CDC25B: variants seen among roughly 807,000 people sequenced by gnomAD.
The protein encoded by CDC25B is cell division cycle 25B.
In CDC25B, 33 loss-of-function variants were observed where a neutral mutation model predicts 69.8. The observed-to-expected ratio is 0.47, with a 90% confidence interval of 0.36 to 0.63. The LOEUF is 0.63. Ranked by LOEUF, CDC25B falls within the 30% of genes least tolerant of loss-of-function variation. CDC25B has a pLI of 0.00. For missense variants in CDC25B, 727 were observed against 809.1 expected (o/e 0.90, Z 1.23); for synonymous variants, 341 against 314.6 (o/e 1.08, Z -0.89).
rs2089049798 is a variant in CDC25B at position 3,796,426 on chromosome 20, C to CCCCCA, written c.-101_-97dup. The CCCCCA allele has an allele frequency of 4.4e-6, 1 of 227,516 alleles. No individual in the cohort carries two copies. Among genetic ancestry groups the CCCCCA allele is most frequent in the Non-Finnish European group, 7.5e-6 (1 of 134,024 alleles). 14.1% of individuals were successfully genotyped at this position (227,516 alleles called of 1,614,324 possible). A position where few individuals can be genotyped will look rare whatever the true frequency, so the allele number is the denominator to read the frequency against. On this transcript the variant is annotated 5_prime_UTR_variant, in exon 1 of 16. Coordinates refer to ENST00000245960, the MANE Select transcript of CDC25B (RefSeq NM_021873.4). ...CTTCCTCCCTCCCTCCTTCCCCCCCCCCCCACCCCTCGCCCGCTGCCTCCC... is the reference window on the plus strand; with the variant it reads ...CTTCCTCCCTCCCTCCTTCCCCCCCCCCCCACCCCACCCCTCGCCCGCTGCCTCCC...
At chr20:3,787,136 A>C in exon 1 of CDC25B, 2 of 667,126 alleles carry the variant, frequency 3.0e-6, no homozygotes, top group Non-Finnish European at 5.4e-6. Flanking sequence ...GGAGAGATGC[A>C]CAGGTAACAT....
At chr20:3,798,264 G>A (rs964595736) in intron 2 of CDC25B, 148 bp from the exon 3 acceptor site, 3 of 486,152 alleles carry the variant, frequency 6.2e-6, no homozygotes, top group Admixed American at 8.3e-5. Flanking sequence ...CAGGGTCCAT[G>A]GTTGGGTTTT....
intron 1 of CDC25B, among the ~76,000 whole-genome samples, chr20:3,790,578 T>G (rs2088899056): frequency 6.6e-6 from 1 of 151,306 alleles, no homozygotes; most frequent in Non-Finnish European, 1.5e-5. Context: ...TCCCAGCATT[T>G]TGGGAGGCCG....
chr20:3,800,993 C>A lies in CDC25B; in HGVS notation c.605C>A (p.Pro202Gln). ...KENDGFVFKM[P>Q]WKPTHPSSTH... is the part of the protein sequence containing the mutation. ...CAGGATGGATTTGTCTTCAAGATGCCATGGAAGCCCACACATCCCAGCTCC... is the reference window on the plus strand; with the variant it reads ...CAGGATGGATTTGTCTTCAAGATGCAATGGAAGCCCACACATCCCAGCTCC... The change falls in exon 7 of 16, where the codon CCA becomes CAA. Residue 202 changes from proline to glutamine, a missense_variant. Physicochemically the swap from Pro to Gln is moderately conservative, Grantham distance 76 (BLOSUM62 -1). Transcript: ENST00000245960. 1 of 1,614,034 alleles carries A rather than the reference C, an allele frequency of 6.2e-7. No homozygotes were observed. Among genetic ancestry groups the A allele is most frequent in the East Asian group, 2.2e-5 (1 of 44,880 alleles).
At chr20:3,787,029 TG>T (rs922652642) in exon 1 of CDC25B, 63 of 546,186 alleles carry the variant, frequency 1.2e-4, no homozygotes, top group Middle Eastern at 3.4e-4. Context: ...GGTTTTTGTT[TG>T]TTTTTTTTTT....
rs765711564 is a variant in CDC25B at position 3,800,856 on chromosome 20, CAAG to C, written c.574_576del (p.Lys192del). 2 of 1,613,882 alleles carry C rather than the reference CAAG, an allele frequency of 1.2e-6. No homozygotes were observed. The highest frequency in any genetic ancestry group is 3.3e-5 in the Admixed American group (2 of 60,006). On this transcript the variant is annotated inframe_deletion, in exon 6 of 16. Transcript: ENST00000245960. Reference sequence around the variant, plus strand: ...GAGCTGCCAGCAGCTCTGGGGAAGACAAGGAGAATGTGCGCTTCTGGAAGGCCG... The same window carrying C: ...GAGCTGCCAGCAGCTCTGGGGAAGACGAGAATGTGCGCTTCTGGAAGGCCG...
At chr20:3,800,210 T>TGGACTGGAGACCTGGTGCTAG (rs140901750) in intron 3 of CDC25B, 78 bp from the exon 4 acceptor site, 483,108 of 1,275,634 alleles carry the variant, frequency 0.38, 97,276 homozygotes, top group African/African-American at 0.62. Context: ...TACTCCCCCC[T>TGGACTGGAGACCTGGTGCTAG]GGACTGGGGG....
At chr20:3,800,675 G>A in intron 5 of CDC25B, 68 bp from the exon 6 acceptor site, 3 of 1,598,796 alleles carry the variant, frequency 1.9e-6, no homozygotes, top group Non-Finnish European at 2.6e-6. Context: ...GGAGAAGGTA[G>A]GGCCTGGGCT....
intron 1 of CDC25B, among the ~76,000 whole-genome samples, chr20:3,789,949 A>G (rs1214928652): frequency 1.3e-5 from 2 of 151,664 alleles, no homozygotes; most frequent in Non-Finnish European, 2.9e-5. Context: ...AGATCGCGCC[A>G]CTGCACTCCA....
In CDC25B at chr20:3,802,032, A is replaced by T. The variant is rs781283576; in HGVS notation, c.1030A>T (p.Thr344Ser). The change falls in exon 10 of 16, where the codon ACG (threonine) becomes TCG (serine). Residue 344 changes from threonine (T) to serine (S), a missense_variant. Coordinates refer to ENST00000245960, the MANE Select transcript of CDC25B (RefSeq NM_021873.4). The stretch of plus-strand genomic sequence containing the variant: ...GCTGGAGCGGCCCCAGGACAGGGAC[A>T]CGCCCGTGCAGAATAAGCGGAGGCG... ...KRLERPQDRD[T>S]PVQNKRRRSV... 6.3e-7 allele frequency: 1 copy of T among 1,583,864 alleles called. No homozygotes were observed. Among genetic ancestry groups the T allele is most frequent in the South Asian group, 1.1e-5 (1 of 87,046 alleles).
In CDC25B at chr20:3,804,914, G is replaced by A. The variant is rs2089424551; in HGVS notation, c.1696G>A (p.Gly566Arg). 6.2e-7 allele frequency: 1 copy of A among 1,613,808 alleles called. No homozygotes were observed. The highest frequency in any genetic ancestry group is 2.2e-5 in the East Asian group (1 of 44,902). Residue 566 changes from glycine (G) to arginine (R), a missense_variant, in exon 16 of 16, where the codon GGG becomes AGG. Coordinates refer to ENST00000245960, the MANE Select transcript of CDC25B (RefSeq NM_021873.4). ...TFRLKTRSWA[G>R]ERSRRELCSR... ...CCGCCTCAAGACTCGCAGCTGGGCT[G>A]GGGAGCGGAGCCGGCGGGAGCTCTG...
At position 3,804,816 on chromosome 20, in the gene CDC25B, C is replaced by G; in HGVS notation, c.1603-5C>G. ...ACTGCATTGACCCCTCCTGTCCTGC[C>G]CTAGAACTTCTGTGAACCCCAGGAC... is the stretch of plus-strand genomic sequence containing the variant. On this transcript the variant is annotated splice_polypyrimidine_tract_variant and splice_region_variant and intron_variant, in intron 15 of 15. Coordinates refer to ENST00000245960, the MANE Select transcript of CDC25B (RefSeq NM_021873.4). 1 of 1,614,102 alleles carries G rather than the reference C, an allele frequency of 6.2e-7. No homozygotes were observed. The highest frequency in any genetic ancestry group is 1.1e-5 in the South Asian group (1 of 91,082).
Position 3,796,540 on chromosome 20 carries a change from GC to G in CDC25B, c.13del (p.Gln5SerfsTer70). ...CTGCCGGCCCCGCCGCGATGGAGGTGCCCCAGCCGGAGCCCGCGCCAGGCTC... is the reference window on the plus strand; with the variant it reads ...CTGCCGGCCCCGCCGCGATGGAGGTGCCCAGCCGGAGCCCGCGCCAGGCTC... MEV[P>X]QPEPAPGSAL... is the part of the protein sequence containing the mutation. On this transcript the variant is annotated frameshift_variant, in exon 1 of 16. Coordinates refer to ENST00000245960, the MANE Select transcript of CDC25B (RefSeq NM_021873.4). LOFTEE classifies it high-confidence loss of function. The G allele has an allele frequency of 6.7e-7, 1 of 1,485,116 alleles. No individual in the cohort carries two copies. 92.0% of individuals were successfully genotyped at this position (1,485,116 alleles called of 1,614,324 possible).
chr20:3,799,683 GAA>G (rs1208485352), intron 3 of CDC25B, among the ~76,000 whole-genome samples: 1 of 152,154 alleles, frequency 6.6e-6, no homozygotes, highest in Non-Finnish European at 1.5e-5. Context: ...GCTGGTCCTG[GAA>G]AATTCCATAG....
chr20:3,797,735 A>C lies in CDC25B; in HGVS notation c.314A>C (p.Glu105Ala), dbSNP rs778037198. 1 of 1,614,010 alleles carries C rather than the reference A, an allele frequency of 6.2e-7. No individual in the cohort carries two copies. The highest frequency in any genetic ancestry group is 2.2e-5 in the East Asian group (1 of 44,878). The part of the protein sequence containing the change: ...SESSLSSESS[E>A]SSDAGLCMDS... ...TCCTCCCTGTCGTCTGAATCCTCCG[A>C]ATCTTCTGATGCAGGTGAGGCCCAG... Residue 105 changes from glutamate (E) to alanine (A), a missense_variant, in exon 2 of 16, where the codon GAA (glutamate) becomes GCA (alanine). By Grantham distance (107) the Glu-to-Ala change is moderately radical. Around this residue, in one of 2 missense-constraint regions of CDC25B, gnomAD observed 368 missense variants for 345.6 expected, o/e 1.06. Transcript: ENST00000245960.
Position 3,796,584 on chromosome 20 carries a change from G to T in CDC25B, c.53G>T (p.Gly18Val). 1 of 1,454,058 alleles carries T rather than the reference G, an allele frequency of 6.9e-7. No homozygotes were observed. Among genetic ancestry groups the T allele is most frequent in the Non-Finnish European group, 9.0e-7 (1 of 1,108,136 alleles). The allele number at this position is 1,454,058 out of a possible 1,614,324, so 90.1% of individuals were successfully genotyped here. Residue 18 changes from glycine (G) to valine (V), a missense_variant, in exon 1 of 16, where the codon GGC (glycine) becomes GTC (valine). Transcript: ENST00000245960. Reference sequence around the variant, plus strand: ...CCAGGCTCGGCTCTCAGTCCAGCAGGCGTGTGCGGTGGCGCCCAGCGTCCG... The same window carrying T: ...CCAGGCTCGGCTCTCAGTCCAGCAGTCGTGTGCGGTGGCGCCCAGCGTCCG... ...PAPGSALSPA[G>V]VCGGAQRPGH... is the part of the protein sequence containing the mutation.
Position 3,801,900 on chromosome 20 carries a change from TC to T in CDC25B, c.922-21del. 3.1e-6 allele frequency: 5 copies of T among 1,598,446 alleles called. No homozygotes were observed. In the South Asian group the frequency reaches 4.5e-5, roughly 14 times the overall value. On this transcript the variant is annotated intron_variant, in intron 9 of 15. Coordinates refer to ENST00000245960, the MANE Select transcript of CDC25B (RefSeq NM_021873.4). ...ATGGGACGGGGCCTGGGCACCCTGA[TC>T]CCTAACCTGCTGTCCCTGCCAGGAC...
At chr20:3,787,272 C>A in intron 1 of CDC25B, 1 of 465,698 alleles carries the variant, frequency 2.1e-6, no homozygotes. Flanking sequence ...TTTTACCTGG[C>A]ATCAAGTAGT....
chr20:3,800,215 T>TGGAGACCTGGTGCTAGGGACC, intron 3 of CDC25B, 73 bp from the exon 4 acceptor site: 3 of 1,461,150 alleles, frequency 2.1e-6, no homozygotes, highest in Non-Finnish European at 2.9e-6. Flanking sequence ...CCCCCTGGAC[T>TGGAGACCTGGTGCTAGGGACC]GGGGGCCTGG....
Sources: gnomAD v4.1 joint callset for allele counts (sites outside exome capture counted in the v4.1 genomes callset) on GRCh38, gnomAD v4.1.1 for gene constraint, gnomAD v4.1.1 regional missense constraint, MANE v1.5 for transcripts, NCBI Gene and HGNC (gene_info 2026-07-23, HGNC 2026-07-21) for gene names.